Variants in LAMA5 observed in about 807,000 individuals in gnomAD.
LAMA5 encodes laminin subunit alpha 5.
A neutral mutation model predicts 433.4 loss-of-function variants in LAMA5; 260 were observed. The observed-to-expected ratio is 0.60, with a 90% CI of 0.54 to 0.66. The LOEUF is 0.66. Ranked by LOEUF, LAMA5 falls within the 30% of genes least tolerant of loss-of-function variation. The pLI is 0.00. For synonymous variants in LAMA5, 2,620 were observed against 2,226.6 expected (o/e 1.18, Z -4.97); for missense variants, 5,378 against 5,258.5 (o/e 1.02, Z -0.70).
chr20:62,310,643 G>C (rs764899311), intron 75 of LAMA5, 22 bp downstream of exon 75: 4 of 1,596,892 alleles, frequency 2.5e-6, no homozygotes, highest in Non-Finnish European at 3.4e-6. Context: ...GGGAGTGGGG[G>C]CTGGGGCAAG....
Position 62,322,387 on chromosome 20 carries a change from G to GGCGGCCGGTCCACAAGCAC in LAMA5, c.6209_6227dup (p.Glu2077CysfsTer41). ...TCTGGGGGTGGCACTCGGAGCCCTC[G>GGCGGCCGGTCCACAAGCAC]GCGGCCGGTCCACAAGCACACGGGC... On this transcript the variant is annotated frameshift_variant, in exon 47 of 80. Coordinates refer to ENST00000252999, the MANE Select transcript of LAMA5 (RefSeq NM_005560.6). LOFTEE classifies it high-confidence loss of function. 6.3e-7 allele frequency: 1 copy of GGCGGCCGGTCCACAAGCAC among 1,592,052 alleles called. No homozygotes were observed.
At chr20:62,352,950 C>T (rs899194869) in intron 3 of LAMA5, 184 bp downstream of exon 3, 13 of 534,932 alleles carry the variant, frequency 2.4e-5, no homozygotes, top group African/African-American at 7.8e-5. Context: ...CTGTGCCCGA[C>T]GCCAGGGACA....
rs775591170 is a variant in LAMA5 at position 62,309,988 on chromosome 20, C to G, written c.10828G>C (p.Val3610Leu). ...LCDGQWHRLA[V>L]MKSGNVLRLE... is the part of the protein sequence containing the mutation. The stretch of plus-strand genomic sequence containing the variant: ...GCCCTGGCCACAGGAGGGGCCTCAC[C>G]CGCTAGCCGGTGCCACTGGCCATCA... Residue 3610 changes from valine to leucine, a missense_variant and splice_region_variant, in exon 78 of 80, where the codon GTG (valine) becomes CTG (leucine). Transcript: ENST00000252999. The G allele has an allele frequency of 3.1e-6, 5 of 1,610,184 alleles. No individual in the cohort carries two copies. The highest frequency in any genetic ancestry group is 4.2e-6 in the Non-Finnish European group (5 of 1,179,528).
In LAMA5 at chr20:62,318,546, C is replaced by G; in HGVS notation, c.7147G>C (p.Asp2383His). 6.2e-7 allele frequency: 1 copy of G among 1,610,184 alleles called. No individual in the cohort carries two copies. Among genetic ancestry groups the G allele is most frequent in the Non-Finnish European group, 8.5e-7 (1 of 1,179,066 alleles). The change falls in exon 53 of 80, where the codon GAC (aspartate) becomes CAC (histidine). Residue 2383 changes from aspartate to histidine, a missense_variant. Coordinates refer to ENST00000252999, the MANE Select transcript of LAMA5 (RefSeq NM_005560.6). The stretch of plus-strand genomic sequence containing the variant: ...GCCCGGTTCAAAGCCTCTCGCAGGT[C>G]CATGAGGCCGGCCTCGTGCTGGGCC... ...RLAQHEAGLM[D>H]LREALNRAVD...
rs745369447 is a variant in LAMA5, at chr20:62,322,094, G to A, written c.6421C>T (p.Arg2141Cys). The A allele has an allele frequency of 3.6e-5, 58 of 1,602,070 alleles. 1 individual carries two copies. Among genetic ancestry groups the A allele is most frequent in the South Asian group, 2.2e-4 (20 of 91,058 alleles). ...TGCTGCTGGCTGCAGGTGTCGCAGC[G>A]CTCCCCGCTGAGCCCCGGGGGGCAG... ...CNCPPGLSGERCDTCSQQHQV... is the reference protein window; with the variant it reads ...CNCPPGLSGECCDTCSQQHQV... The change falls in exon 48 of 80, where the codon CGC becomes TGC. Residue 2141 changes from arginine to cysteine, a missense_variant. By Grantham distance (180) the Arg-to-Cys change is radical. Coordinates refer to ENST00000252999, the MANE Select transcript of LAMA5 (RefSeq NM_005560.6).
intron 29 of LAMA5, 43 bp downstream of exon 29, chr20:62,330,989 G>A (rs1324123896): frequency 6.4e-7 from 1 of 1,570,456 alleles, no homozygotes; most frequent in Admixed American, 1.9e-5. Flanking sequence ...CCTGCCGCCG[G>A]GCCCTCGGCC....
Position 62,346,547 on chromosome 20 carries a change from C to T in LAMA5, c.1241G>A (p.Arg414His), listed in dbSNP as rs368110148. The change falls in exon 9 of 80, where the codon CGC (arginine) becomes CAC (histidine). Residue 414 changes from arginine to histidine, a missense_variant. Physicochemically the swap from Arg to His is conservative, Grantham distance 29. Transcript: ENST00000252999. ...NCERCLPGFY[R>H]SPNHPLDSPH... ...CGAGTCGAGAGGGTGGTTGGGAGAG[C>T]GGTAGAAGCCGGGCAGGCAGCGCTC... 3.5e-5 allele frequency: 55 copies of T among 1,558,096 alleles called. No homozygotes were observed. The highest frequency in any genetic ancestry group is 3.3e-4 in the Middle Eastern group (2 of 6,014).
chr20:62,360,024 C>A (rs114028932), intron 2 of LAMA5, among the ~76,000 whole-genome samples: 1 of 150,760 alleles, frequency 6.6e-6, no homozygotes, highest in Non-Finnish European at 1.5e-5. Flanking sequence ...CGGACCCACC[C>A]GCCGCTCAGC....
intron 45 of LAMA5, 122 bp downstream of exon 45, chr20:62,323,334 C>G (rs900387844): frequency 4.8e-6 from 4 of 833,610 alleles, no homozygotes; most frequent in Middle Eastern, 7.3e-4. Flanking sequence ...AGGCTGGCTC[C>G]GACTTGTCCT....
Position 62,338,054 on chromosome 20 carries a change from C to T in LAMA5, c.1853G>A (p.Arg618Gln), listed in dbSNP as rs758209373. The stretch of plus-strand genomic sequence containing the variant: ...GAAACCATGGTAGCCAGGGCGGCAC[C>T]GGTCACAATGAGGTCCAGCAAACTC... ...QPEFAGPHCD[R>Q]CRPGYHGFPN... is the part of the protein sequence containing the mutation. The change falls in exon 14 of 80, where the codon CGG becomes CAG. Residue 618 changes from arginine to glutamine, a missense_variant. Transcript: ENST00000252999. The T allele has an allele frequency of 1.1e-5, 17 of 1,604,172 alleles. No homozygotes were observed. Among genetic ancestry groups the T allele is most frequent in the Admixed American group, 1.0e-4 (6 of 59,388 alleles).
rs570730199 is a variant in LAMA5, at chr20:62,357,280, C to A, written c.451-4029G>T. 7.2e-5 allele frequency among the ~76,000 whole-genome samples: 11 copies of A among 152,340 alleles called. 1 individual carries two copies. The South Asian group carries it at 2.3e-3, about 32-fold the overall frequency. The stretch of plus-strand genomic sequence containing the variant: ...GGTCTGTGACTCAGCCCCCGCCCTG[C>A]AGGAAGAAGGGCGTTGTGCCAATTC... On this transcript the variant is annotated intron_variant, in intron 2 of 79. Transcript: ENST00000252999.
intron 11 of LAMA5, among the ~76,000 whole-genome samples, chr20:62,339,864 C>A (rs971033348): frequency 6.6e-6 from 1 of 152,206 alleles, no homozygotes; most frequent in African/African-American, 2.4e-5. Flanking sequence ...CAAGGACGAT[C>A]GTGGGGCTGC....
Position 62,338,072 on chromosome 20 carries a change from G to A in LAMA5, c.1835C>T (p.Ala612Val). The change falls in exon 14 of 80, where the codon GCT becomes GTT. Residue 612 changes from alanine to valine, a missense_variant. Ala to Val is a moderately conservative substitution (Grantham distance 64, BLOSUM62 0). Coordinates refer to ENST00000252999, the MANE Select transcript of LAMA5 (RefSeq NM_005560.6). ...GCGGCACCGGTCACAATGAGGTCCA[G>A]CAAACTCAGGCTGGCATAGGCAGCG... is the stretch of plus-strand genomic sequence containing the variant. ...AGRCLCQPEF[A>V]GPHCDRCRPG... is the part of the protein sequence containing the mutation. 2 of 1,604,918 alleles carry A rather than the reference G, an allele frequency of 1.2e-6. No homozygotes were observed. Among genetic ancestry groups the A allele is most frequent in the Non-Finnish European group, 1.7e-6 (2 of 1,175,392 alleles).
chr20:62,330,036 CA>C, intron 31 of LAMA5, 120 bp from the exon 32 acceptor site: 1 of 1,392,112 alleles, frequency 7.2e-7, no homozygotes, highest in South Asian at 1.4e-5. Flanking sequence ...CGGCCACAGG[CA>C]CGGGACGTGC....
chr20:62,327,887 G>A lies in LAMA5; in HGVS notation c.4776C>T (p.Leu1592=). ...AGTAPGVCDP[L]TGQCYCKENV... is the part of the protein sequence containing the mutation. The stretch of plus-strand genomic sequence containing the variant: ...TCACCTTACAGTAGCACTGCCCTGT[G>A]AGGGGGTCACACACGCCAGGCGCAG... The change falls in exon 36 of 80, where the codon CTC becomes CTT. Residue 1592 remains leucine (L), a synonymous_variant. Transcript: ENST00000252999. The A allele has an allele frequency of 1.2e-6, 2 of 1,610,896 alleles. No homozygotes were observed. Among genetic ancestry groups the A allele is most frequent in the Non-Finnish European group, 1.7e-6 (2 of 1,179,364 alleles).
chr20:62,313,132 G>A lies in LAMA5; in HGVS notation c.8911C>T (p.Arg2971Trp), dbSNP rs1449272082. 9 of 1,608,280 alleles carry A rather than the reference G, an allele frequency of 5.6e-6. No homozygotes were observed. The highest frequency in any genetic ancestry group is 1.3e-5 in the African/African-American group (1 of 74,910). ...AGCACCCCGCTGTAGGACACGAGCC[G>A]CAGCTCCTGCTCGAAGCGCTTGGTG... ...STTKRFEQEL[R>W]LVSYSGVLFF... The change falls in exon 65 of 80, where the codon CGG becomes TGG. Residue 2971 changes from arginine (R) to tryptophan (W), a missense_variant. Coordinates refer to ENST00000252999, the MANE Select transcript of LAMA5 (RefSeq NM_005560.6).
At position 62,315,061 on chromosome 20, in the gene LAMA5, G is replaced by A; in HGVS notation, c.8014C>T (p.Leu2672=). Residue 2672 remains leucine, a synonymous_variant, in exon 59 of 80, where the codon CTG becomes TTG. Coordinates refer to ENST00000252999, the MANE Select transcript of LAMA5 (RefSeq NM_005560.6). ...GQYEGLRGQD[L]GQAVLDAGHS... is the part of the protein sequence containing the mutation. ...CCTGCGTCAAGCACTGCCTGGCCCA[G>A]GTCCTGGCCCCGCAGGCCCTCGTAC... The A allele has an allele frequency of 1.2e-6, 2 of 1,600,150 alleles. No individual in the cohort carries two copies. Among genetic ancestry groups the A allele is most frequent in the East Asian group, 2.2e-5 (1 of 44,854 alleles).
chr20:62,337,299 GAC>G (rs142384723), intron 16 of LAMA5, among the ~76,000 whole-genome samples: 47 of 152,126 alleles, frequency 3.1e-4, no homozygotes, highest in African/African-American at 9.6e-4. Context: ...ACACTTAGGT[GAC>G]ACACACACCC....
At chr20:62,320,111 G>C (rs1033559265) in intron 50 of LAMA5, among the ~76,000 whole-genome samples, 3 of 151,980 alleles carry the variant, frequency 2.0e-5, no homozygotes, top group Non-Finnish European at 4.4e-5. Flanking sequence ...CTGAGGTCAG[G>C]AGTTCAAGAC....
Sources: allele counts gnomAD v4.1 joint callset (sites outside exome capture counted in the v4.1 genomes callset), GRCh38; gene constraint gnomAD v4.1.1; transcripts MANE v1.5; gene names NCBI Gene and HGNC (gene_info 2026-07-23, HGNC 2026-07-21).